The following LDB2 variants were observed in gnomAD, a reference collection of about 807,000 sequenced individuals.
LDB2 encodes the protein LIM domain binding 2.
Under a neutral mutation model 44.3 loss-of-function variants are expected in LDB2, and 12 were observed. The observed-to-expected ratio is 0.27, with a 90% CI of 0.17 to 0.44. The LOEUF is 0.44. LDB2 is among the 20% of genes least tolerant of loss of function. LDB2 has a pLI of 1.00. For synonymous variants in LDB2, 164 were observed against 174.8 expected, an observed-to-expected ratio of 0.94 and a Z score of 0.49; for missense variants, 344 against 473.5, an observed-to-expected ratio of 0.73 and a Z score of 2.54.
chr4:16,869,361 C>T (rs1715758280), intron 1 of LDB2, among the ~76,000 whole-genome samples: 2 of 150,762 alleles, frequency 1.3e-5, no homozygotes, highest in African/African-American at 4.9e-5. Flanking sequence ...CTATGCTGAC[C>T]CGTCAGACAT....
chr4:16,878,418 T>C (rs898113558), intron 1 of LDB2, among the ~76,000 whole-genome samples: 2 of 152,176 alleles, frequency 1.3e-5, no homozygotes, highest in African/African-American at 4.8e-5. Flanking sequence ...GGCTAATCCA[T>C]CGCCCATACA....
intron 1 of LDB2, among the ~76,000 whole-genome samples, chr4:16,885,716 G>A (rs1180498475): frequency 6.6e-6 from 1 of 152,120 alleles, no homozygotes; most frequent in African/African-American, 2.4e-5. Flanking sequence ...GAAAGATTAC[G>A]TGCTCGCTGC....
chr4:16,843,696 A>G lies in LDB2; in HGVS notation c.132+54658T>C, dbSNP rs575488855. Among the ~76,000 whole-genome samples, 36 of 152,240 alleles carry G rather than the reference A, an allele frequency of 2.4e-4. No individual in the cohort carries two copies. In the South Asian group the frequency reaches 5.8e-3, roughly 25 times the overall value. ...GGGTGCAATGGCACGACCTTGGCTC[A>G]CTGCAACCTCCACCTCCCAGGTTCA... is the stretch of plus-strand genomic sequence containing the variant. On this transcript the variant is annotated intron_variant, in intron 1 of 7. Transcript: ENST00000304523.
chr4:16,895,161 G>C (rs1398196509), intron 1 of LDB2, among the ~76,000 whole-genome samples: 1 of 148,158 alleles, frequency 6.7e-6, no homozygotes, highest in Non-Finnish European at 1.5e-5. Context: ...TTCAATTAAA[G>C]GGACACTGTT....
intron 2 of LDB2, among the ~76,000 whole-genome samples, chr4:16,676,386 G>A (rs1479526504): frequency 6.6e-6 from 1 of 152,220 alleles, no homozygotes; most frequent in Non-Finnish European, 1.5e-5. Flanking sequence ...CTAATCCAAT[G>A]CAGCTGTGAC....
In LDB2 at chr4:16,773,265, C is replaced by T. The variant is rs184316491; in HGVS notation, c.133-14005G>A. ...GGTTTCGTGGAAGACAGGTTTTTCA[C>T]GGACACTCTGGGGGACGGTTTCAGG... On this transcript the variant is annotated intron_variant, in intron 1 of 7. Coordinates refer to ENST00000304523, the MANE Select transcript of LDB2 (RefSeq NM_001290.5). 5.9e-4 allele frequency among the ~76,000 whole-genome samples: 90 copies of T among 152,282 alleles called. 1 individual carries two copies. The highest frequency in any genetic ancestry group is 1.9e-3 in the African/African-American group (79 of 41,556).
intron 1 of LDB2, among the ~76,000 whole-genome samples, chr4:16,864,636 C>T (rs948550662): frequency 6.6e-6 from 1 of 152,084 alleles, no homozygotes; most frequent in Non-Finnish European, 1.5e-5. Flanking sequence ...AAGAAATAGC[C>T]CATACCGGTT....
intron 2 of LDB2, among the ~76,000 whole-genome samples, chr4:16,715,096 T>C (rs188458573): frequency 6.6e-6 from 1 of 152,338 alleles, no homozygotes; most frequent in Non-Finnish European, 1.5e-5. Flanking sequence ...TGCCTTATCA[T>C]GCTTAACCCA....
intron 2 of LDB2, among the ~76,000 whole-genome samples, chr4:16,609,832 AAC>A (rs1233525500): frequency 1.3e-5 from 2 of 152,064 alleles, no homozygotes; most frequent in Non-Finnish European, 2.9e-5. Flanking sequence ...CTCTCAGCGA[AAC>A]ACACTCTCCC....
At chr4:16,761,099 G>A (rs1399044597) in intron 1 of LDB2, among the ~76,000 whole-genome samples, 1 of 151,792 alleles carries the variant, frequency 6.6e-6, no homozygotes, top group Non-Finnish European at 1.5e-5. Context: ...CCCCAGAACA[G>A]TGTCTAGCCT....
chr4:16,883,445 T>C (rs1454426969), intron 1 of LDB2, among the ~76,000 whole-genome samples: 1 of 152,186 alleles, frequency 6.6e-6, no homozygotes, highest in Admixed American at 6.5e-5. Flanking sequence ...ACACATTCAA[T>C]GCACAAAGCA....
chr4:16,679,743 A>G (rs533277673), intron 2 of LDB2, among the ~76,000 whole-genome samples: 1 of 152,220 alleles, frequency 6.6e-6, no homozygotes, highest in African/African-American at 2.4e-5. Flanking sequence ...AGTGTTCGTA[A>G]AGGAGGAGCT....
intron 6 of LDB2, among the ~76,000 whole-genome samples, chr4:16,510,939 A>G (rs190105593): frequency 1.3e-5 from 2 of 152,350 alleles, no homozygotes; most frequent in Admixed American, 6.5e-5. Context: ...CGTTTTCTCC[A>G]TAAAGTCTTA....
chr4:16,504,086 T>C (rs1718402361), intron 7 of LDB2, among the ~76,000 whole-genome samples: 1 of 152,144 alleles, frequency 6.6e-6, no homozygotes. Flanking sequence ...CCAGAGAAGG[T>C]AGGGCTAGCC....
intron 6 of LDB2, 103 bp downstream of exon 6, chr4:16,511,878 T>C: frequency 7.6e-7 from 1 of 1,320,770 alleles, no homozygotes; most frequent in South Asian, 1.5e-5. Context: ...AAGCTACTTG[T>C]CCTGATAAAT....
intron 5 of LDB2, among the ~76,000 whole-genome samples, chr4:16,515,342 C>T (rs1412055724): frequency 6.6e-6 from 1 of 152,156 alleles, no homozygotes; most frequent in East Asian, 1.9e-4. Flanking sequence ...ATTTGAGTGA[C>T]GGTGTCAATA....
chr4:16,590,564 C>CAAATGCCAGTACA (rs1192492396), intron 3 of LDB2, among the ~76,000 whole-genome samples: 9 of 152,222 alleles, frequency 5.9e-5, no homozygotes, highest in African/African-American at 2.2e-4. Flanking sequence ...GTAACATGTT[C>CAAATGCCAGTACA]TTTAAGCAAG....
chr4:16,649,711 T>G (rs748800782), intron 2 of LDB2, among the ~76,000 whole-genome samples: 30 of 152,184 alleles, frequency 2.0e-4, no homozygotes, highest in Non-Finnish European at 4.4e-4. Context: ...TATAAAGGGC[T>G]TAGAATGGCC....
chr4:16,766,466 A>ATGTG (rs1491271485), intron 1 of LDB2, among the ~76,000 whole-genome samples: 23 of 61,214 alleles, frequency 3.8e-4, no homozygotes, highest in South Asian at 1.8e-3. Context: ...ACACACACAT[A>ATGTG]TATGTGTGTG....
Sources: gnomAD v4.1 joint callset for allele counts (sites outside exome capture counted in the v4.1 genomes callset) on GRCh38, gnomAD v4.1.1 for gene constraint, MANE v1.5 for transcripts, NCBI Gene and HGNC (gene_info 2026-07-23, HGNC 2026-07-21) for gene names.